ZNF385D: variants seen among roughly 807,000 people sequenced by gnomAD.
The protein encoded by ZNF385D is zinc finger protein 385D.
Under a neutral mutation model 35.8 loss-of-function variants are expected in ZNF385D, and 15 were observed. The ratio of observed to expected loss-of-function variants is 0.42; its 90% CI spans 0.28 to 0.64. The LOEUF is 0.64. Ranked by LOEUF, ZNF385D falls within the 30% of genes least tolerant of loss-of-function variation. The probability of loss-of-function intolerance (pLI) is 0.23; values close to 1 mark genes in which losing one functional copy is unlikely to be tolerated. For synonymous variants in ZNF385D, 212 were observed against 186.8 expected (o/e 1.13, Z -1.10); for missense variants, 474 against 494.6 (o/e 0.96, Z 0.39).
chr3:22,153,670 G>C (rs1270469942), intron 3 of ZNF385D, among the ~76,000 whole-genome samples: 1 of 151,842 alleles, frequency 6.6e-6, no homozygotes, highest in Non-Finnish European at 1.5e-5. Context: ...CACCATGTTG[G>C]TCAGGCTGGT....
chr3:22,342,396 T>C (rs936392641), intron 2 of ZNF385D, among the ~76,000 whole-genome samples: 2 of 152,058 alleles, frequency 1.3e-5, no homozygotes, highest in African/African-American at 4.8e-5. Flanking sequence ...TCCTGTAGAC[T>C]TACAATCAAG....
At chr3:22,101,278 A>G (rs1394617270) in intron 3 of ZNF385D, among the ~76,000 whole-genome samples, 1 of 152,076 alleles carries the variant, frequency 6.6e-6, no homozygotes, top group Admixed American at 6.6e-5. Flanking sequence ...AATGATATAT[A>G]AAGGGCTATA....
chr3:22,340,348 C>CA (rs1012076055), intron 2 of ZNF385D, among the ~76,000 whole-genome samples: 1 of 151,864 alleles, frequency 6.6e-6, no homozygotes, highest in African/African-American at 2.4e-5. Context: ...ACTAATCAAA[C>CA]AAAAAATAAG....
At chr3:22,322,550 C>G (rs1694490231) in intron 2 of ZNF385D, among the ~76,000 whole-genome samples, 1 of 152,142 alleles carries the variant, frequency 6.6e-6, no homozygotes, top group African/African-American at 2.4e-5. Context: ...AATCTTTTCT[C>G]ACCGACCCAG....
chr3:22,282,381 T>G (rs1362903272), intron 2 of ZNF385D, among the ~76,000 whole-genome samples: 1 of 152,116 alleles, frequency 6.6e-6, no homozygotes, highest in African/African-American at 2.4e-5. Flanking sequence ...CTATGAACTT[T>G]CCTCTTAGCA....
At chr3:21,435,968 G>T (rs1328650392) in intron 5 of ZNF385D, among the ~76,000 whole-genome samples, 1 of 152,128 alleles carries the variant, frequency 6.6e-6, no homozygotes, top group Non-Finnish European at 1.5e-5. Flanking sequence ...CACAATGACT[G>T]GTCAATGACT....
At chr3:21,805,235 T>G (rs936840087) in intron 3 of ZNF385D, among the ~76,000 whole-genome samples, 5 of 152,206 alleles carry the variant, frequency 3.3e-5, no homozygotes, top group African/African-American at 1.2e-4. Context: ...CTATTTAAAT[T>G]AGATTAATTC....
chr3:22,344,482 C>T (rs1045575344), intron 2 of ZNF385D, among the ~76,000 whole-genome samples: 9 of 152,100 alleles, frequency 5.9e-5, no homozygotes, highest in Non-Finnish European at 1.3e-4. Flanking sequence ...CTTGACCTCC[C>T]GGGCTCAAGT....
intron 3 of ZNF385D, among the ~76,000 whole-genome samples, chr3:21,998,891 C>A (rs545146181): frequency 4.3e-4 from 66 of 152,236 alleles, no homozygotes; most frequent in African/African-American, 1.5e-3. Context: ...CTGAAGAGTT[C>A]TTGGATTAAC....
intron 1 of ZNF385D, among the ~76,000 whole-genome samples, chr3:21,741,347 C>A (rs946035563): frequency 5.3e-5 from 8 of 152,204 alleles, no homozygotes; most frequent in Non-Finnish European, 1.0e-4. Context: ...AATCTGCCTT[C>A]CAATTTACCT....
At chr3:21,755,533 G>A (rs572933580), upstream of ZNF385D, among the ~76,000 whole-genome samples, 31 of 152,240 alleles carry the variant, frequency 2.0e-4, no homozygotes, top group African/African-American at 7.2e-4. Context: ...ATCTTTGGGT[G>A]TCTGTTTAAA....
chr3:21,591,428 A>C (rs2063973969), intron 2 of ZNF385D, among the ~76,000 whole-genome samples: 1 of 152,178 alleles, frequency 6.6e-6, no homozygotes, highest in Admixed American at 6.5e-5. Flanking sequence ...GAACAAAGTG[A>C]AAATGAAATT....
chr3:21,547,798 G>A (rs1018721673), intron 3 of ZNF385D, among the ~76,000 whole-genome samples: 11 of 151,950 alleles, frequency 7.2e-5, no homozygotes, highest in Non-Finnish European at 1.3e-4. Context: ...TGTATTTTTA[G>A]TAGAAACGGG....
intron 2 of ZNF385D, among the ~76,000 whole-genome samples, chr3:21,613,663 C>G (rs2064755516): frequency 6.6e-6 from 1 of 152,188 alleles, no homozygotes; most frequent in African/African-American, 2.4e-5. Flanking sequence ...TGACCCCTTA[C>G]AGCAGTAAAT....
At chr3:21,815,630 G>T (rs887016148) in intron 3 of ZNF385D, among the ~76,000 whole-genome samples, 3 of 152,132 alleles carry the variant, frequency 2.0e-5, no homozygotes, top group African/African-American at 7.2e-5. Flanking sequence ...ACTAAACCAG[G>T]AAGAAGTTGA....
intron 4 of ZNF385D, among the ~76,000 whole-genome samples, chr3:21,444,075 T>G (rs1239945676): frequency 5.0e-5 from 7 of 140,280 alleles, no homozygotes; most frequent in African/African-American, 1.7e-4. Flanking sequence ...CTTCTGGATT[T>G]CCCTCTTTTT....
chr3:21,681,763 G>C (rs1286957760), intron 1 of ZNF385D, among the ~76,000 whole-genome samples: 1 of 151,254 alleles, frequency 6.6e-6, no homozygotes, highest in African/African-American at 2.4e-5. Flanking sequence ...TGTATTTTTG[G>C]TGCTACAGAT....
At chr3:22,014,390 A>T (rs2125443055) in intron 3 of ZNF385D, among the ~76,000 whole-genome samples, 1 of 152,272 alleles carries the variant, frequency 6.6e-6, no homozygotes, top group African/African-American at 2.4e-5. Flanking sequence ...AAATCTCGAA[A>T]GATAACAATC....
At chr3:21,557,290 T>C (rs1287359804) in intron 3 of ZNF385D, among the ~76,000 whole-genome samples, 2 of 152,216 alleles carry the variant, frequency 1.3e-5, no homozygotes, top group Non-Finnish European at 2.9e-5. Flanking sequence ...AGTGTGATAC[T>C]GGCTGTGGGT....
Sources: gnomAD v4.1 joint callset for allele counts (sites outside exome capture counted in the v4.1 genomes callset) on GRCh38, gnomAD v4.1.1 for gene constraint, MANE v1.5 for transcripts, NCBI Gene and HGNC (gene_info 2026-07-23, HGNC 2026-07-21) for gene names.